Variants in NCOR2 observed in about 807,000 individuals in gnomAD.
NCOR2 encodes the protein nuclear receptor corepressor 2, also known as CTG repeat protein 26.
Under a neutral mutation model 262.9 loss-of-function variants are expected in NCOR2, and 81 were observed. That is an observed-to-expected ratio of 0.31 (90% CI 0.26 to 0.37). NCOR2 has a LOEUF of 0.37. Among genes scored for constraint, NCOR2 ranks in the 10% least tolerant of loss-of-function variants. The probability of loss-of-function intolerance (pLI) is 1.00; values close to 1 mark genes in which losing one functional copy is unlikely to be tolerated. For synonymous variants in NCOR2, 1,659 were observed against 1,559.3 expected (o/e 1.06, Z -1.51); for missense variants, 3,385 against 3,621.4 (o/e 0.93, Z 1.68).
chr12:124,464,057 T>C (rs1304363975), intron 5 of NCOR2, among the ~76,000 whole-genome samples: 1 of 152,078 alleles, frequency 6.6e-6, no homozygotes, highest in African/African-American at 2.4e-5. Context: ...ACAGAATAAA[T>C]AAGTAAAACA....
At chr12:124,359,523 G>T (rs937221054) in intron 22 of NCOR2, among the ~76,000 whole-genome samples, 3 of 152,220 alleles carry the variant, frequency 2.0e-5, no homozygotes, top group African/African-American at 7.2e-5. Context: ...AGATGCAGGG[G>T]AATTCTCATT....
In NCOR2 at chr12:124,484,258, C is replaced by T. The variant is rs145585862; in HGVS notation, c.234-485G>A. Among the ~76,000 whole-genome samples, 1,422 of 152,326 alleles carry T rather than the reference C, an allele frequency of 9.3e-3. 20 individuals carry two copies. Among genetic ancestry groups the T allele is most frequent in the African/African-American group, 0.032 (1,320 of 41,558 alleles). On this transcript the variant is annotated intron_variant, in intron 2 of 46. Coordinates refer to ENST00000405201, the Ensembl canonical transcript of NCOR2. ...CCTCTCACCCACGCAGGGCAGACAT[C>T]GCTGGCCGATCGCAGAACTCTTGCT...
exon 5 of NCOR2, chr12:124,466,217 A>G: frequency 1.2e-6 from 2 of 1,609,794 alleles, no homozygotes; most frequent in Non-Finnish European, 1.7e-6. Flanking sequence ...CGGTGCTTCG[A>G]CTCGATGGGC....
chr12:124,354,602 G>A lies in NCOR2; in HGVS notation c.3485-20C>T, dbSNP rs1322421229. 5 of 1,525,338 alleles carry A rather than the reference G, an allele frequency of 3.3e-6. No homozygotes were observed. Among genetic ancestry groups the A allele is most frequent in the South Asian group, 1.3e-5 (1 of 79,028 alleles). The allele number at this position is 1,525,338 out of a possible 1,614,324, so 94.5% of individuals were successfully genotyped here. On this transcript the variant is annotated intron_variant, in intron 25 of 46. Transcript: ENST00000405201. ...AGGGTGCTGAGGACCAGTAAGAGGA[G>A]CGAGTCACGTGCTGCCGGAGCAGGG... is the stretch of plus-strand genomic sequence containing the variant.
intron 1 of NCOR2, among the ~76,000 whole-genome samples, chr12:124,491,798 C>T (rs2048094574): frequency 6.6e-6 from 1 of 152,182 alleles, no homozygotes; most frequent in South Asian, 2.1e-4. Flanking sequence ...ACCCTCAACC[C>T]TGGAGACCCT....
intron 27 of NCOR2, among the ~76,000 whole-genome samples, chr12:124,351,829 C>T (rs1038564457): frequency 2.6e-5 from 4 of 152,130 alleles, no homozygotes; most frequent in African/African-American, 9.7e-5. Flanking sequence ...TCTCAATATC[C>T]CTCTTCTCTT....
At chr12:124,522,217 G>C (rs1223026128) in intron 1 of NCOR2, among the ~76,000 whole-genome samples, 1 of 152,178 alleles carries the variant, frequency 6.6e-6, no homozygotes, top group Non-Finnish European at 1.5e-5. Context: ...CAGTGAACAA[G>C]ACAAAATTAC....
intron 41 of NCOR2, 32 bp downstream of exon 43, chr12:124,334,392 A>G: frequency 1.3e-6 from 2 of 1,491,878 alleles, no homozygotes; most frequent in East Asian, 2.8e-5. Flanking sequence ...CCGCCGGCTG[A>G]CCAGCAAGAG....
At chr12:124,444,161 TGCAAATA>T (rs763745567) in intron 7 of NCOR2, among the ~76,000 whole-genome samples, 5 of 152,166 alleles carry the variant, frequency 3.3e-5, no homozygotes, top group Admixed American at 1.3e-4. Flanking sequence ...GCAATGAAGA[TGCAAATA>T]GCTTACTGCA....
rs569794818 is a variant in NCOR2 at position 124,405,164 on chromosome 12, C to T, written c.1483-2603G>A. On this transcript the variant is annotated intron_variant, in intron 13 of 46. Transcript: ENST00000405201. ...CGCCAGGGCCTGCCCACAACCCCCT[C>T]GCTCCTGGAACGTCACCCCCTATGT... 1.3e-3 allele frequency among the ~76,000 whole-genome samples: 202 copies of T among 152,332 alleles called. 1 individual carries two copies. The highest frequency in any genetic ancestry group is 4.4e-3 in the African/African-American group (181 of 41,578).
intron 18 of NCOR2, among the ~76,000 whole-genome samples, chr12:124,377,838 GAA>G (rs111815361): frequency 8.0e-6 from 1 of 125,318 alleles, no homozygotes; most frequent in Non-Finnish European, 1.7e-5. Context: ...GACTCCGTCT[GAA>G]AAAAAAAAAA....
intron 13 of NCOR2, among the ~76,000 whole-genome samples, chr12:124,402,789 G>C (rs1270454731): frequency 6.6e-6 from 1 of 152,162 alleles, no homozygotes; most frequent in Non-Finnish European, 1.5e-5. Context: ...GGCGGAGTCG[G>C]GGTGAGGGGC....
At chr12:124,387,017 G>A (rs1010071639) in intron 16 of NCOR2, among the ~76,000 whole-genome samples, 7 of 152,384 alleles carry the variant, frequency 4.6e-5, no homozygotes, top group African/African-American at 1.4e-4. Flanking sequence ...GCTGAATCAC[G>A]TAGCTCGGGA....
At chr12:124,442,622 T>C (rs1168798844) in intron 7 of NCOR2, among the ~76,000 whole-genome samples, 1 of 152,178 alleles carries the variant, frequency 6.6e-6, no homozygotes, top group Non-Finnish European at 1.5e-5. Flanking sequence ...GAATCCACTT[T>C]GAAACACCGT....
At chr12:124,565,273 C>T (rs2052199186) in intron 1 of NCOR2, among the ~76,000 whole-genome samples, 1 of 152,166 alleles carries the variant, frequency 6.6e-6, no homozygotes, top group African/African-American at 2.4e-5. Context: ...GGCACCGGCA[C>T]CACAGACTCC....
exon 34 of NCOR2, chr12:124,342,013 T>G: frequency 6.2e-7 from 1 of 1,612,346 alleles, no homozygotes; most frequent in East Asian, 2.2e-5. Context: ...TGAGGTAGGG[T>G]GGGTACAGGT....
At chr12:124,489,212 C>T (rs1186419899) in intron 1 of NCOR2, among the ~76,000 whole-genome samples, 5 of 152,190 alleles carry the variant, frequency 3.3e-5, no homozygotes, top group African/African-American at 9.6e-5. Flanking sequence ...CACCTCGCCA[C>T]GTCTCCAAGC....
At chr12:124,456,380 G>C (rs1233200735) in intron 6 of NCOR2, among the ~76,000 whole-genome samples, 1 of 152,182 alleles carries the variant, frequency 6.6e-6, no homozygotes, top group African/African-American at 2.4e-5. Flanking sequence ...GGGGGCTAGG[G>C]CTTCTGCATC....
At chr12:124,528,261 G>C (rs752403047) in intron 1 of NCOR2, among the ~76,000 whole-genome samples, 27 of 152,230 alleles carry the variant, frequency 1.8e-4, no homozygotes, top group Non-Finnish European at 3.1e-4. Context: ...TTAAAAACAA[G>C]TACAATGACC....
Sources: gnomAD v4.1 joint callset for allele counts (sites outside exome capture counted in the v4.1 genomes callset) on GRCh38, gnomAD v4.1.1 for gene constraint, MANE v1.5 for transcripts, NCBI Gene and HGNC (gene_info 2026-07-23, HGNC 2026-07-21) for gene names.